ART3: variants seen among roughly 807,000 people sequenced by gnomAD.
ART3 encodes ecto-ADP-ribosyltransferase 3.
Under a neutral mutation model 48.5 loss-of-function variants are expected in ART3, and 49 were observed. The observed-to-expected ratio is 1.01, with a 90% CI of 0.80 to 1.28. The LOEUF is 1.28. Ranked by LOEUF, ART3 falls within the 50% of genes most tolerant of loss-of-function variation. The pLI is 0.00. For missense variants in ART3, 438 were observed against 454.3 expected (o/e 0.96, Z 0.33); for synonymous variants, 145 against 157.2 (o/e 0.92, Z 0.58).
At chr4:76,024,532 A>G (rs4257674) in intron 1 of ART3, among the ~76,000 whole-genome samples, 93,014 of 152,080 alleles carry the variant, frequency 0.61, 29,520 homozygotes, top group East Asian at 0.94. Flanking sequence ...CTGATTATTC[A>G]TAGTAGCTAG....
At chr4:76,089,579 C>T (rs1724375671) in intron 3 of ART3, among the ~76,000 whole-genome samples, 1 of 152,146 alleles carries the variant, frequency 6.6e-6, no homozygotes, top group African/African-American at 2.4e-5. Context: ...GTACAGCCTG[C>T]CGAATCATGA....
intron 1 of ART3, among the ~76,000 whole-genome samples, chr4:76,013,656 T>C (rs1293695612): frequency 6.6e-6 from 1 of 152,214 alleles, no homozygotes; most frequent in African/African-American, 2.4e-5. Context: ...TTTACTCTCT[T>C]GGGGTATTTC....
At chr4:76,083,242 C>T (rs534113180) in intron 3 of ART3, among the ~76,000 whole-genome samples, 3 of 152,212 alleles carry the variant, frequency 2.0e-5, no homozygotes, top group Admixed American at 1.3e-4. Flanking sequence ...CCCACCTTTC[C>T]TCAATTTCCA....
At chr4:76,044,669 C>A (rs4859605) in intron 1 of ART3, among the ~76,000 whole-genome samples, 1 of 151,432 alleles carries the variant, frequency 6.6e-6, no homozygotes, top group Non-Finnish European at 1.5e-5. Context: ...GACTCCTTTT[C>A]TTTGTCTCTG....
rs1300053875 is a variant in ART3 at position 76,105,497 on chromosome 4, A to G, written c.1003+868A>G. ...GTAAATGGTAGCTGCCTTTGTTATT[A>G]TCTGAAAACCTCTTTCTTGTTTAGG... On this transcript the variant is annotated intron_variant, in intron 10 of 11. Transcript: ENST00000355810. 1.1e-5 allele frequency: 14 copies of G among 1,287,610 alleles called. 1 individual carries two copies. The highest frequency in any genetic ancestry group is 2.2e-4 in the Middle Eastern group (1 of 4,602). 79.8% of individuals were successfully genotyped at this position (1,287,610 alleles called of 1,614,324 possible).
At position 76,097,522 on chromosome 4, in the gene ART3, A is replaced by G. The variant is rs147177463; in HGVS notation, c.782-122A>G. ...ATGCCCAGCCTGCAATTTGCATCTT[A>G]CTAATTATGAGTCTGATAAACCAGG... On this transcript the variant is annotated intron_variant, in intron 3 of 11. Coordinates refer to ENST00000355810, the MANE Select transcript of ART3 (RefSeq NM_001130016.3). 3.6e-4 allele frequency: 289 copies of G among 796,196 alleles called. 1 individual carries two copies. Among genetic ancestry groups the G allele is most frequent in the Non-Finnish European group, 5.3e-4 (257 of 489,060 alleles). 49.3% of individuals were successfully genotyped at this position (796,196 alleles called of 1,614,324 possible). A position where few individuals can be genotyped will look rare whatever the true frequency, so the allele number is the denominator to read the frequency against.
At chr4:76,106,581 A>T (rs1271653607) in intron 10 of ART3, among the ~76,000 whole-genome samples, 3 of 152,014 alleles carry the variant, frequency 2.0e-5, no homozygotes, top group Non-Finnish European at 4.4e-5. Context: ...CTGTTCCCAT[A>T]CATCATTCTG....
chr4:76,111,213 ATC>A (rs1411068223), intron 11 of ART3, among the ~76,000 whole-genome samples: 1 of 150,726 alleles, frequency 6.6e-6, no homozygotes, highest in Non-Finnish European at 1.5e-5. Context: ...GCAAAAAGTG[ATC>A]TCTCACAGTT....
chr4:76,086,247 G>A (rs929515241), intron 3 of ART3, among the ~76,000 whole-genome samples: 2 of 152,124 alleles, frequency 1.3e-5, no homozygotes, highest in Non-Finnish European at 2.9e-5. Flanking sequence ...CAGCAGACAA[G>A]GGGGTAAGGA....
At chr4:76,060,585 A>G (rs919614927) in intron 1 of ART3, among the ~76,000 whole-genome samples, 7 of 149,130 alleles carry the variant, frequency 4.7e-5, no homozygotes, top group Admixed American at 6.9e-5. Flanking sequence ...TGAATATGTT[A>G]TATTACATGG....
chr4:76,023,637 G>A (rs1733097386), intron 1 of ART3: 5 of 474,942 alleles, frequency 1.1e-5, no homozygotes, highest in Non-Finnish European at 1.9e-5. Flanking sequence ...AGACTCGAAG[G>A]TATTATTTAT....
intron 1 of ART3, chr4:76,035,455 T>G: frequency 9.4e-7 from 1 of 1,061,278 alleles, no homozygotes; most frequent in East Asian, 2.6e-5. Flanking sequence ...AGATAGTAAT[T>G]TGTCAAATAG....
At chr4:76,106,793 C>A (rs1728570377) in intron 10 of ART3, among the ~76,000 whole-genome samples, 1 of 152,136 alleles carries the variant, frequency 6.6e-6, no homozygotes, top group Admixed American at 6.6e-5. Context: ...TTTGCTCCTT[C>A]TGGCTGCTTG....
At chr4:76,104,163 A>T (rs1435371160) in intron 9 of ART3, among the ~76,000 whole-genome samples, 194 bp downstream of exon 9, 1 of 152,138 alleles carries the variant, frequency 6.6e-6, no homozygotes, top group African/African-American at 2.4e-5. Context: ...GTGCTCCTGG[A>T]GCATTGTCTC....
intron 1 of ART3, among the ~76,000 whole-genome samples, chr4:76,052,286 A>G (rs1372661673): frequency 2.6e-5 from 4 of 152,148 alleles, no homozygotes; most frequent in Non-Finnish European, 1.5e-5. Context: ...AGAATGAGAT[A>G]TATCAATGCT....
intron 1 of ART3, chr4:76,035,242 A>G: frequency 6.2e-7 from 1 of 1,614,132 alleles, no homozygotes; most frequent in Non-Finnish European, 8.5e-7. Context: ...CACAGTTGTT[A>G]CTTGGGTACA....
At chr4:76,044,001 G>A (rs1016794294) in intron 1 of ART3, among the ~76,000 whole-genome samples, 1 of 151,966 alleles carries the variant, frequency 6.6e-6, no homozygotes, top group Non-Finnish European at 1.5e-5. Flanking sequence ...AAGTGCCAGC[G>A]GGTTGGTCCA....
chr4:76,102,677 A>G (rs1344879994), intron 8 of ART3, among the ~76,000 whole-genome samples: 1 of 117,634 alleles, frequency 8.5e-6, no homozygotes, highest in South Asian at 2.7e-4. Context: ...TTAAAAATGT[A>G]TATGTATATA....
At chr4:76,026,942 A>G (rs1395001536) in intron 1 of ART3, among the ~76,000 whole-genome samples, 1 of 152,224 alleles carries the variant, frequency 6.6e-6, no homozygotes, top group Non-Finnish European at 1.5e-5. Flanking sequence ...ACTATGAAAC[A>G]ATAAATATCA....
Sources: gnomAD v4.1 joint callset for allele counts (sites outside exome capture counted in the v4.1 genomes callset) on GRCh38, gnomAD v4.1.1 for gene constraint, MANE v1.5 for transcripts, NCBI Gene and HGNC (gene_info 2026-07-23, HGNC 2026-07-21) for gene names.